RBFOX1: variants seen among roughly 807,000 people sequenced by gnomAD.
The protein encoded by RBFOX1 is RNA binding protein fox-1 homolog 1.
Under a neutral mutation model 57.7 loss-of-function variants are expected in RBFOX1, and 8 were observed. The ratio of observed to expected loss-of-function variants is 0.14; its 90% CI spans 0.08 to 0.25. The LOEUF (loss-of-function observed/expected upper bound fraction) is 0.25, where lower values mean the gene tolerates loss of function less well. Ranked by LOEUF, RBFOX1 falls within the 10% of genes least tolerant of loss-of-function variation. The pLI, the probability that RBFOX1 is intolerant of heterozygous loss-of-function variation, is 1.00. For synonymous variants in RBFOX1, 326 were observed against 222.4 expected, an observed-to-expected ratio of 1.47 and a Z score of -4.15; for missense variants, 611 against 548.5, an observed-to-expected ratio of 1.11 and a Z score of -1.14.
intron 4 of RBFOX1, among the ~76,000 whole-genome samples, chr16:7,297,528 C>T (rs1454181068): frequency 1.3e-5 from 2 of 152,110 alleles, no homozygotes; most frequent in Admixed American, 6.5e-5. Context: ...TGCTATGTAG[C>T]TTAGTCCATT....
intron 2 of RBFOX1, among the ~76,000 whole-genome samples, chr16:6,403,409 GCAGGAGTGCAGTGGTGTGACCA>G (rs1431915442): frequency 7.7e-4 from 117 of 151,996 alleles, no homozygotes; most frequent in South Asian, 2.1e-4. Context: ...CATCATCCAG[GCAGGAGTGCAGTGGTGTGACCA>G]CCACTCATTG....
chr16:6,239,157 A>G (rs2097526440), intron 1 of RBFOX1, among the ~76,000 whole-genome samples: 3 of 152,162 alleles, frequency 2.0e-5, no homozygotes, highest in Non-Finnish European at 4.4e-5. Flanking sequence ...CATGTCGCTT[A>G]TTCAATGATT....
chr16:6,626,050 C>G (rs887817363), intron 2 of RBFOX1, among the ~76,000 whole-genome samples: 2 of 151,600 alleles, frequency 1.3e-5, no homozygotes, highest in Non-Finnish European at 1.5e-5. Flanking sequence ...ATTTAGTTGC[C>G]GATTATAGTG....
At chr16:7,198,466 TAAAATC>T (rs766924115) in intron 4 of RBFOX1, among the ~76,000 whole-genome samples, 3 of 152,234 alleles carry the variant, frequency 2.0e-5, no homozygotes, top group East Asian at 1.9e-4. Flanking sequence ...GCAAAAGAGA[TAAAATC>T]AAAAACAGGA....
chr16:5,777,779 T>C (rs897441246), intron 3 of RBFOX1, among the ~76,000 whole-genome samples: 16 of 152,208 alleles, frequency 1.1e-4, no homozygotes, highest in African/African-American at 9.6e-5. Flanking sequence ...TTCATTATTA[T>C]TTGGCACAGG....
Position 6,885,027 on chromosome 16 carries a change from A to C in RBFOX1, c.-15-167030A>C, listed in dbSNP as rs972000126. On this transcript the variant is annotated intron_variant, in intron 3 of 15. Coordinates refer to ENST00000550418, the MANE Select transcript of RBFOX1 (RefSeq NM_018723.4). ...ATTTCAATAATTACTGTCATGTTTTAGAAAAGCAGCAAAACGTTTATTTAA... is the reference window on the plus strand; with the variant it reads ...ATTTCAATAATTACTGTCATGTTTTCGAAAAGCAGCAAAACGTTTATTTAA... Among the ~76,000 whole-genome samples the C allele has an allele frequency of 5.0e-4, 76 of 152,252 alleles. 3 individuals carry two copies. Among genetic ancestry groups the C allele is most frequent in the Non-Finnish European group, 2.9e-5 (2 of 68,044 alleles).
At chr16:6,213,204 C>G (rs969656412) in intron 1 of RBFOX1, among the ~76,000 whole-genome samples, 1 of 151,542 alleles carries the variant, frequency 6.6e-6, no homozygotes, top group South Asian at 2.1e-4. Flanking sequence ...TTTTTATGAC[C>G]CAGTGTGTCT....
At chr16:7,262,514 A>G (rs141103931) in intron 4 of RBFOX1, among the ~76,000 whole-genome samples, 16 of 152,236 alleles carry the variant, frequency 1.1e-4, no homozygotes, top group South Asian at 4.1e-4. Context: ...TCCTACTGCA[A>G]TGAGCCACAT....
intron 3 of RBFOX1, among the ~76,000 whole-genome samples, chr16:7,016,291 C>A (rs1019932035): frequency 2.0e-5 from 3 of 152,104 alleles, no homozygotes; most frequent in Non-Finnish European, 4.4e-5. Context: ...GTGGTAGATC[C>A]TTCTGCCATA....
chr16:5,597,488 C>T (rs1277586149), intron 2 of RBFOX1, among the ~76,000 whole-genome samples: 1 of 150,074 alleles, frequency 6.7e-6, no homozygotes, highest in Non-Finnish European at 1.5e-5. Flanking sequence ...CAACCTGTAC[C>T]TCCCAGGTTC....
chr16:5,674,952 G>T (rs2050121062), intron 3 of RBFOX1, among the ~76,000 whole-genome samples: 1 of 152,214 alleles, frequency 6.6e-6, no homozygotes, highest in African/African-American at 2.4e-5. Context: ...TTTGAAACCA[G>T]CCTGGACAAC....
intron 2 of RBFOX1, among the ~76,000 whole-genome samples, chr16:6,601,767 C>G (rs1048265788): frequency 2.0e-5 from 3 of 152,196 alleles, no homozygotes; most frequent in Non-Finnish European, 4.4e-5. Context: ...AAAGATATAG[C>G]TGAGTTTAAC....
chr16:6,899,319 G>T (rs943068669), intron 3 of RBFOX1, among the ~76,000 whole-genome samples: 1 of 152,086 alleles, frequency 6.6e-6, no homozygotes, highest in Non-Finnish European at 1.5e-5. Context: ...GTATGTTTCA[G>T]GGTTTCCTTG....
At position 7,159,247 on chromosome 16, in the gene RBFOX1, A is replaced by C. The variant is rs113511754; in HGVS notation, c.27+107149A>C. ...ATTCTATGGTGTCAATCTACCACCC[A>C]AGAATCTTTTTTCAGTAGACACCCT... On this transcript the variant is annotated intron_variant, in intron 4 of 15. Transcript: ENST00000550418. 9.2e-3 allele frequency among the ~76,000 whole-genome samples: 1,399 copies of C among 151,980 alleles called. 11 individuals are homozygous for C. The highest frequency in any genetic ancestry group is 0.044 in the Middle Eastern group (13 of 294).
intron 4 of RBFOX1, among the ~76,000 whole-genome samples, chr16:7,472,312 C>T (rs1327643738): frequency 7.2e-6 from 1 of 139,554 alleles, no homozygotes; most frequent in Admixed American, 7.0e-5. Flanking sequence ...TACCAAATTA[C>T]CAAATAGTAA....
intron 4 of RBFOX1, among the ~76,000 whole-genome samples, chr16:7,156,706 G>A (rs2077222655): frequency 6.6e-6 from 1 of 152,060 alleles, no homozygotes; most frequent in South Asian, 2.1e-4. Context: ...CTATGAGTGA[G>A]ACATTTAATG....
At chr16:7,457,075 CG>C (rs1447565344) in intron 4 of RBFOX1, among the ~76,000 whole-genome samples, 4 of 151,938 alleles carry the variant, frequency 2.6e-5, no homozygotes, top group Non-Finnish European at 5.9e-5. Flanking sequence ...TTAGTAGAGA[CG>C]GGGTTTCTCC....
chr16:6,036,402 T>C (rs1299715629), intron 1 of RBFOX1, among the ~76,000 whole-genome samples: 1 of 152,054 alleles, frequency 6.6e-6, no homozygotes, highest in Non-Finnish European at 1.5e-5. Flanking sequence ...TTGTGTTTTT[T>C]TTTTGCCATT....
chr16:6,851,266 G>T (rs899125762), intron 3 of RBFOX1, among the ~76,000 whole-genome samples: 1 of 152,168 alleles, frequency 6.6e-6, no homozygotes, highest in Non-Finnish European at 1.5e-5. Flanking sequence ...TGGTTGCCGG[G>T]GTCAGGAGTG....
Sources: gnomAD v4.1 joint callset for allele counts (sites outside exome capture counted in the v4.1 genomes callset) on GRCh38, gnomAD v4.1.1 for gene constraint, MANE v1.5 for transcripts, NCBI Gene and HGNC (gene_info 2026-07-23, HGNC 2026-07-21) for gene names.